Variants in KAZN observed in about 807,000 individuals in gnomAD.
KAZN encodes kazrin, periplakin interacting protein, also known as kazrin.
KAZN carries 40 observed loss-of-function variants against 87.4 expected under a neutral mutation model. The ratio of observed to expected loss-of-function variants is 0.46; its 90% CI spans 0.36 to 0.60. The LOEUF (loss-of-function observed/expected upper bound fraction) is 0.60, where lower values mean the gene tolerates loss of function less well. KAZN is among the 20% of genes least tolerant of loss of function. The pLI is 0.00. For missense variants in KAZN, 898 were observed against 1,073.9 expected, an observed-to-expected ratio of 0.84 and a Z score of 2.29; for synonymous variants, 466 against 458.3, an observed-to-expected ratio of 1.02 and a Z score of -0.22.
intron 1 of KAZN, among the ~76,000 whole-genome samples, chr1:14,899,344 G>A (rs1005654796): frequency 3.3e-5 from 5 of 152,164 alleles, no homozygotes; most frequent in African/African-American, 1.2e-4. Context: ...CCTCTCTTCA[G>A]CCTCTGACCT....
chr1:15,010,092 T>G (rs1669429810), intron 2 of KAZN, among the ~76,000 whole-genome samples: 1 of 152,232 alleles, frequency 6.6e-6, no homozygotes. Context: ...TCTTTTTAAG[T>G]CTTTTTAAAT....
At chr1:14,453,762 G>A (rs929593170) in intron 2 of KAZN, among the ~76,000 whole-genome samples, 1 of 152,168 alleles carries the variant, frequency 6.6e-6, no homozygotes. Context: ...CTTCAACCTG[G>A]GAGGTGGAGG....
chr1:14,601,985 A>AT (rs1404907774), intron 1 of KAZN, among the ~76,000 whole-genome samples: 1 of 152,086 alleles, frequency 6.6e-6, no homozygotes, highest in Non-Finnish European at 1.5e-5. Context: ...TGTTAGATTC[A>AT]TTTTCAAATG....
Position 14,851,002 on chromosome 1 carries a change from G to A in KAZN, c.227-109682G>A, listed in dbSNP as rs143944272. ...TTCTCCACTCTGTCCTCCAGGCCCT[G>A]CACAGTGCTGGGATCAGAGCAGAAT... On this transcript the variant is annotated intron_variant, in intron 1 of 14. Coordinates refer to ENST00000376030, the MANE Select transcript of KAZN (RefSeq NM_201628.3). 2.2e-3 allele frequency among the ~76,000 whole-genome samples: 328 copies of A among 152,328 alleles called. 1 individual carries two copies. Among genetic ancestry groups the A allele is most frequent in the African/African-American group, 7.5e-3 (310 of 41,578 alleles).
intron 1 of KAZN, among the ~76,000 whole-genome samples, chr1:14,921,152 C>CAA (rs1427458864): frequency 1.6e-5 from 1 of 63,978 alleles, no homozygotes; most frequent in Non-Finnish European, 3.3e-5. Flanking sequence ...CCTGAGCATG[C>CAA]AACACACACA....
At chr1:14,741,136 A>G (rs1433642705) in intron 1 of KAZN, among the ~76,000 whole-genome samples, 1 of 151,960 alleles carries the variant, frequency 6.6e-6, no homozygotes, top group East Asian at 1.9e-4. Flanking sequence ...CGGGTCGTTT[A>G]TTTGCTCTGC....
exon 2 of KAZN, chr1:14,180,539 G>C: frequency 6.4e-7 from 1 of 1,550,514 alleles, no homozygotes; most frequent in Non-Finnish European, 8.7e-7. Context: ...CACTGAGAAG[G>C]AGACTCTGAA....
At chr1:15,044,266 T>TGGGGGG in intron 4 of KAZN, 107 bp downstream of exon 4, 1 of 200,180 alleles carries the variant, frequency 5.0e-6, no homozygotes, top group South Asian at 9.0e-5. Context: ...GTGGGGTGGG[T>TGGGGGG]GGGGCAGAGC....
At chr1:14,765,824 C>T (rs767116140) in intron 1 of KAZN, among the ~76,000 whole-genome samples, 3 of 152,258 alleles carry the variant, frequency 2.0e-5, no homozygotes, top group East Asian at 1.9e-4. Context: ...GAGTGGCTGC[C>T]GAAAGGAGGC....
At chr1:14,239,411 C>A (rs959765594) in intron 2 of KAZN, among the ~76,000 whole-genome samples, 3 of 144,584 alleles carry the variant, frequency 2.1e-5, no homozygotes, top group African/African-American at 5.1e-5. Flanking sequence ...TTTGAGCTGA[C>A]TTTTGTTTTA....
At chr1:14,091,051 G>A (rs1393427289) in intron 1 of KAZN, among the ~76,000 whole-genome samples, 2 of 146,850 alleles carry the variant, frequency 1.4e-5, no homozygotes, top group African/African-American at 5.0e-5. Context: ...GGCAGAGGTT[G>A]CAGTGAGCTG....
chr1:14,630,227 G>A (rs1277892935), intron 1 of KAZN, among the ~76,000 whole-genome samples: 1 of 152,154 alleles, frequency 6.6e-6, no homozygotes, highest in Non-Finnish European at 1.5e-5. Context: ...GCTCGGTCCT[G>A]ATGCCGTATT....
At chr1:14,928,758 A>G (rs1258894822) in intron 1 of KAZN, among the ~76,000 whole-genome samples, 1 of 152,204 alleles carries the variant, frequency 6.6e-6, no homozygotes, top group Non-Finnish European at 1.5e-5. Context: ...TTCTGCTAGC[A>G]GGGCGAGGGC....
At chr1:14,531,275 C>A (rs558150478) in intron 2 of KAZN, among the ~76,000 whole-genome samples, 1 of 152,304 alleles carries the variant, frequency 6.6e-6, no homozygotes, top group African/African-American at 2.4e-5. Flanking sequence ...GAACTTTTCC[C>A]AGTCCGCCAA....
intron 2 of KAZN, among the ~76,000 whole-genome samples, chr1:14,997,013 C>G (rs995593101): frequency 6.6e-6 from 1 of 152,032 alleles, no homozygotes; most frequent in Non-Finnish European, 1.5e-5. Context: ...GCTTTTTTTC[C>G]CCAGCATTCC....
chr1:14,749,176 A>G (rs1037510788), intron 1 of KAZN, among the ~76,000 whole-genome samples: 1 of 152,154 alleles, frequency 6.6e-6, no homozygotes, highest in East Asian at 1.9e-4. Context: ...CAGAACTCAC[A>G]TCCACTGAGA....
rs1664559562 is a variant in KAZN at position 14,967,219 on chromosome 1, C to CA, written c.418+6344_418+6345insA. Among the ~76,000 whole-genome samples the CA allele has an allele frequency of 1.9e-4, 29 of 152,132 alleles. 1 individual carries two copies. The highest frequency in any genetic ancestry group is 1.5e-5 in the Non-Finnish European group (1 of 68,012). ...TCCCTCCCTCTCCCTCCCTTTGCAGCCTGGTCACTGTCCTTCTGGCACATG... is the reference window on the plus strand; with the variant it reads ...TCCCTCCCTCTCCCTCCCTTTGCAGCACTGGTCACTGTCCTTCTGGCACATG... On this transcript the variant is annotated intron_variant, in intron 2 of 14. Transcript: ENST00000376030.
rs781538084 is a variant in KAZN, at chr1:15,094,919, C to T, written c.1533C>T (p.Ala511=). ...LRLAIEDYRD[A]EAGRSLSKAA... ...TGGCCATCGAGGACTACCGTGATGC[C>T]GAGGCAGGCCGCAGGTGAGCCCACC... Residue 511 remains alanine (A), a synonymous_variant, in exon 10 of 15, where the codon GCC becomes GCT. Coordinates refer to ENST00000376030, the MANE Select transcript of KAZN (RefSeq NM_201628.3). The surrounding 1 kb of genome is among the most constrained non-coding windows in gnomAD (Gnocchi z 4.5). The T allele has an allele frequency of 1.0e-5, 16 of 1,549,616 alleles. No individual in the cohort carries two copies. Among genetic ancestry groups the T allele is most frequent in the Admixed American group, 5.9e-5 (3 of 50,956 alleles).
chr1:14,854,112 T>A (rs1649791756), intron 1 of KAZN, among the ~76,000 whole-genome samples: 1 of 152,160 alleles, frequency 6.6e-6, no homozygotes, highest in African/African-American at 2.4e-5. Context: ...ATGACAACCC[T>A]AGACCTACCC....
Sources: allele counts gnomAD v4.1 joint callset (sites outside exome capture counted in the v4.1 genomes callset), GRCh38; gene constraint gnomAD v4.1.1; non-coding constraint Gnocchi (gnomAD v3.1); transcripts MANE v1.5; gene names NCBI Gene and HGNC (gene_info 2026-07-23, HGNC 2026-07-21).